Variants in STK32B observed in about 807,000 individuals in gnomAD.
STK32B encodes serine/threonine kinase 32B, also known as serine/threonine-protein kinase 32B.
In STK32B, 43 loss-of-function variants were observed where a neutral mutation model predicts 52.6. The observed-to-expected ratio is 0.82, with a 90% CI of 0.64 to 1.05. STK32B has a LOEUF of 1.05. Ranked by LOEUF, STK32B falls within the 50% of genes least tolerant of loss-of-function variation. The probability of loss-of-function intolerance (pLI) is 0.00; values close to 1 mark genes in which losing one functional copy is unlikely to be tolerated. For missense variants in STK32B, 621 were observed against 534.6 expected (o/e 1.16, Z -1.59); for synonymous variants, 238 against 204.3 (o/e 1.17, Z -1.41).
Position 5,318,805 on chromosome 4 carries a change from A to AT in STK32B, c.261-12403dup, listed in dbSNP as rs71742049. On this transcript the variant is annotated intron_variant, in intron 3 of 11. Transcript: ENST00000282908. Reference sequence around the variant, plus strand: ...GTTGAGAATAATAAAAATAGCAAGTATTTTTTTTTTTTGAGACGGAGTCTT... The same window carrying AT: ...GTTGAGAATAATAAAAATAGCAAGTATTTTTTTTTTTTTGAGACGGAGTCTT... Among the ~76,000 whole-genome samples the AT allele has an allele frequency of 1.4e-3, 202 of 147,228 alleles. 2 individuals are homozygous for AT. Among genetic ancestry groups the AT allele is most frequent in the South Asian group, 9.5e-3 (44 of 4,632 alleles).
chr4:5,381,133 G>A (rs1735909265), intron 4 of STK32B, among the ~76,000 whole-genome samples: 1 of 152,194 alleles, frequency 6.6e-6, no homozygotes, highest in Non-Finnish European at 1.5e-5. Context: ...GTAGTGCCTG[G>A]CACACAGTAA....
intron 3 of STK32B, among the ~76,000 whole-genome samples, chr4:5,203,699 C>G (rs771229205): frequency 5.9e-5 from 9 of 152,230 alleles, no homozygotes; most frequent in Admixed American, 2.0e-4. Flanking sequence ...GTTCTCCTTC[C>G]TAATTTTGTT....
At chr4:5,189,651 C>A (rs560276761) in intron 3 of STK32B, among the ~76,000 whole-genome samples, 1 of 152,282 alleles carries the variant, frequency 6.6e-6, no homozygotes, top group African/African-American at 2.4e-5. Context: ...CGTACATTTT[C>A]AACTCCTTTG....
chr4:5,466,504 A>G (rs3815189), intron 9 of STK32B, among the ~76,000 whole-genome samples, 199 bp from the exon 10 acceptor site: 31,853 of 152,136 alleles, frequency 0.21, 4,038 homozygotes, highest in Admixed American at 0.36. Context: ...CAGGGGGACT[A>G]TGTGTAAATA....
chr4:5,164,603 G>C (rs919702265), intron 2 of STK32B, among the ~76,000 whole-genome samples: 7 of 152,198 alleles, frequency 4.6e-5, no homozygotes, highest in African/African-American at 1.7e-4. Flanking sequence ...TGGCAGCATG[G>C]TCAGATTCTG....
chr4:5,352,616 AT>A (rs776265487), intron 4 of STK32B, among the ~76,000 whole-genome samples: 1 of 147,860 alleles, frequency 6.8e-6, no homozygotes, highest in African/African-American at 2.5e-5. Context: ...AGAGAAAGAA[AT>A]AAAAAAAAAA....
intron 6 of STK32B, among the ~76,000 whole-genome samples, chr4:5,444,323 G>A (rs1313211849): frequency 6.6e-6 from 1 of 152,220 alleles, no homozygotes; most frequent in African/African-American, 2.4e-5. Flanking sequence ...TTTTAAGCCC[G>A]TCGGAAAAGC....
intron 11 of STK32B, among the ~76,000 whole-genome samples, chr4:5,488,593 C>T (rs895455832): frequency 6.6e-6 from 1 of 152,158 alleles, no homozygotes; most frequent in Non-Finnish European, 1.5e-5. Flanking sequence ...TTCTGTGACT[C>T]ACATAGACCA....
At chr4:5,040,683 C>G in the STK32B span, among the ~76,000 whole-genome samples, 1 of 152,076 alleles carries the variant, frequency 6.6e-6, no homozygotes, top group East Asian at 1.9e-4. Context: ...CCACTGCGCC[C>G]GGCCAAGCAG....
chr4:5,089,562 A>G (rs1186673535), intron 1 of STK32B, among the ~76,000 whole-genome samples: 1 of 152,140 alleles, frequency 6.6e-6, no homozygotes, highest in East Asian at 1.9e-4. Context: ...TATATGTGCC[A>G]CATTTTCTTT....
At chr4:5,480,677 A>ACC (rs1718617603) in intron 11 of STK32B, among the ~76,000 whole-genome samples, 2 of 151,932 alleles carry the variant, frequency 1.3e-5, no homozygotes, top group South Asian at 4.2e-4. Context: ...GGTGTGCTGC[A>ACC]CCCATTAACT....
intron 3 of STK32B, among the ~76,000 whole-genome samples, chr4:5,188,138 A>G (rs1288665311): frequency 6.6e-6 from 1 of 152,178 alleles, no homozygotes; most frequent in Non-Finnish European, 1.5e-5. Context: ...TCCTTCTGAG[A>G]AAAACCAAAG....
chr4:5,156,116 A>ATTT (rs917959668), intron 2 of STK32B, among the ~76,000 whole-genome samples: 56 of 151,896 alleles, frequency 3.7e-4, no homozygotes, highest in Admixed American at 1.0e-3. Context: ...CACTCAATGT[A>ATTT]TATGTATACA....
At chr4:5,026,930 T>C in the STK32B span, among the ~76,000 whole-genome samples, 2 of 152,212 alleles carry the variant, frequency 1.3e-5, no homozygotes, top group Admixed American at 1.3e-4. Context: ...ACGAAGAGTC[T>C]GAGTGCTAAG....
At chr4:5,190,645 C>T (rs1198508051) in intron 3 of STK32B, among the ~76,000 whole-genome samples, 1 of 152,158 alleles carries the variant, frequency 6.6e-6, no homozygotes, top group Non-Finnish European at 1.5e-5. Context: ...ATCGGCAAAA[C>T]TCAAATCATT....
intron 4 of STK32B, among the ~76,000 whole-genome samples, chr4:5,367,210 C>T (rs1041247917): frequency 3.9e-5 from 6 of 152,134 alleles, no homozygotes; most frequent in African/African-American, 9.7e-5. Context: ...CTCTTGTCAC[C>T]GTCCAGTGAA....
intron 3 of STK32B, among the ~76,000 whole-genome samples, chr4:5,322,210 A>G (rs1024302541): frequency 2.6e-5 from 4 of 152,114 alleles, no homozygotes; most frequent in African/African-American, 7.2e-5. Context: ...GTTATTAAAG[A>G]CATGTATCAG....
chr4:5,421,072 G>C (rs946590132), intron 6 of STK32B, among the ~76,000 whole-genome samples: 1 of 87,434 alleles, frequency 1.1e-5, no homozygotes, highest in Non-Finnish European at 2.2e-5. Flanking sequence ...GCTAATTTTT[G>C]TATCTTGTTT....
intron 7 of STK32B, 119 bp downstream of exon 7, chr4:5,446,895 G>T: frequency 1.1e-6 from 1 of 912,668 alleles, no homozygotes; most frequent in Non-Finnish European, 1.7e-6. Context: ...GGGAGTCACT[G>T]CCCCCCAGGT....
Sources: allele counts gnomAD v4.1 joint callset (sites outside exome capture counted in the v4.1 genomes callset), GRCh38; gene constraint gnomAD v4.1.1; transcripts MANE v1.5; gene names NCBI Gene and HGNC (gene_info 2026-07-23, HGNC 2026-07-21).